Variants in CD226 observed in about 807,000 individuals in gnomAD.
CD226 encodes the protein CD226 antigen.
CD226 carries 24 observed loss-of-function variants against 34.9 expected under a neutral mutation model. The observed-to-expected ratio is 0.69, with a 90% confidence interval of 0.50 to 0.97. The LOEUF (loss-of-function observed/expected upper bound fraction) is 0.97. CD226 is among the 50% of genes least tolerant of loss of function. The pLI is 0.00. For missense variants in CD226, 397 were observed against 412.7 expected (o/e 0.96, Z 0.33); for synonymous variants, 148 against 147.4 (o/e 1.00, Z -0.03).
chr18:69,869,813 T>TC (rs911354186), intron 4 of CD226, among the ~76,000 whole-genome samples: 1 of 146,838 alleles, frequency 6.8e-6, no homozygotes, highest in Non-Finnish European at 1.5e-5. Flanking sequence ...TTTTTTTTTT[T>TC]TTTTTGAGAT....
intron 3 of CD226, among the ~76,000 whole-genome samples, chr18:69,883,893 C>G (rs371905801): frequency 5.9e-5 from 9 of 152,216 alleles, no homozygotes; most frequent in African/African-American, 2.2e-4. Flanking sequence ...CAGCTTTCAG[C>G]CTGTACCCAC....
chr18:69,874,603 G>A (rs1197681695), intron 3 of CD226, among the ~76,000 whole-genome samples: 4 of 152,140 alleles, frequency 2.6e-5, no homozygotes, highest in Non-Finnish European at 4.4e-5. Context: ...TCCTATTGCA[G>A]CCTGAAAACC....
At chr18:69,895,591 C>T (rs1379321871) in intron 3 of CD226, 110 bp downstream of exon 3, 1 of 787,904 alleles carries the variant, frequency 1.3e-6, no homozygotes, top group African/African-American at 1.7e-5. Context: ...TAAAAAAATG[C>T]TGAATATGCG....
upstream of CD226, among the ~76,000 whole-genome samples, chr18:69,958,150 C>A (rs1292213911): frequency 3.9e-5 from 6 of 152,196 alleles, no homozygotes; most frequent in Non-Finnish European, 8.8e-5. Flanking sequence ...TATGTCCTCA[C>A]TGAAATACTT....
In CD226 at chr18:69,860,297, C is replaced by T. The variant is rs1481271453; in HGVS notation, c.*4017G>A. ...CAAGACAAAGGAAAATATTTCTATA[C>T]CCTACAAGAACCAAAAATCCAAAAG... is the stretch of plus-strand genomic sequence containing the variant. On this transcript the variant is annotated 3_prime_UTR_variant, in exon 6 of 6. Coordinates refer to ENST00000582621, the MANE Select transcript of CD226 (RefSeq NM_001303618.2). 1 of 152,148 alleles carries T rather than the reference C, an allele frequency of 6.6e-6. No homozygotes were observed. Among genetic ancestry groups the T allele is most frequent in the Non-Finnish European group, 1.5e-5 (1 of 68,026 alleles). The allele number at this position is 152,148 out of a possible 1,614,324, so 9.4% of individuals were successfully genotyped here.
intron 2 of CD226, among the ~76,000 whole-genome samples, chr18:69,934,306 ACACACG>A (rs1253485833): frequency 1.1e-3 from 167 of 151,314 alleles, no homozygotes; most frequent in African/African-American, 3.9e-3. Context: ...ACACACACAC[ACACACG>A]CACGCACACC....
chr18:69,917,196 T>A (rs1201102233), intron 2 of CD226, among the ~76,000 whole-genome samples: 1 of 152,156 alleles, frequency 6.6e-6, no homozygotes, highest in Non-Finnish European at 1.5e-5. Context: ...ATTCTATGTA[T>A]CCCCAAAGCC....
At chr18:69,912,820 G>C (rs978512180) in intron 2 of CD226, among the ~76,000 whole-genome samples, 1 of 152,102 alleles carries the variant, frequency 6.6e-6, no homozygotes, top group Admixed American at 6.6e-5. Flanking sequence ...TGAAATTCAG[G>C]GTAGAGAAGT....
At chr18:69,950,978 TG>T (rs2055848647), upstream of CD226, among the ~76,000 whole-genome samples, 1 of 104,658 alleles carries the variant, frequency 9.6e-6, no homozygotes, top group African/African-American at 4.7e-5. Context: ...ATTTTGTGTG[TG>T]TGTGTGTGTG....
chr18:69,932,665 T>A (rs1273127761), intron 2 of CD226, among the ~76,000 whole-genome samples: 1 of 152,240 alleles, frequency 6.6e-6, no homozygotes, highest in Non-Finnish European at 1.5e-5. Context: ...GCCATCCAGC[T>A]AACAGCATGA....
intron 2 of CD226, among the ~76,000 whole-genome samples, chr18:69,904,580 T>C (rs1194829220): frequency 6.6e-6 from 1 of 152,230 alleles, no homozygotes; most frequent in Non-Finnish European, 1.5e-5. Context: ...CTCTCCACCA[T>C]GGTACAATGA....
intron 3 of CD226, among the ~76,000 whole-genome samples, chr18:69,893,173 T>A (rs1364208164): frequency 1.3e-5 from 2 of 152,218 alleles, no homozygotes; most frequent in East Asian, 1.9e-4. Context: ...TTTTTACTAA[T>A]GGATACAAGG....
In CD226 at chr18:69,880,730, C is replaced by T. The variant is rs553760511; in HGVS notation, c.728-7484G>A. The stretch of plus-strand genomic sequence containing the variant: ...GCAGTGGCACGATCTCGGCTCACTG[C>T]AACCTCCGCCTCCTGGGTTCAAGCG... On this transcript the variant is annotated intron_variant, in intron 3 of 5. Coordinates refer to ENST00000582621, the MANE Select transcript of CD226 (RefSeq NM_001303618.2). Among the ~76,000 whole-genome samples the T allele has an allele frequency of 7.3e-5, 11 of 150,106 alleles. No homozygotes were observed. In the South Asian group the frequency reaches 2.1e-3, roughly 29 times the overall value.
At position 69,864,015 on chromosome 18, in the gene CD226, T is replaced by C. The variant is rs1842282990; in HGVS notation, c.*299A>G. 1 of 225,932 alleles carries C rather than the reference T, an allele frequency of 4.4e-6. No individual in the cohort carries two copies. The allele number at this position is 225,932 out of a possible 1,614,324, so 14.0% of individuals were successfully genotyped here. ...GAAGCCAGTTTATGCCCATACTTAA[T>C]TCTAGACACAACATTTAAGCCCTGG... On this transcript the variant is annotated 3_prime_UTR_variant, in exon 6 of 6. Transcript: ENST00000582621.
chr18:69,928,760 C>A (rs776851324), intron 2 of CD226, among the ~76,000 whole-genome samples: 17 of 152,086 alleles, frequency 1.1e-4, no homozygotes, highest in Non-Finnish European at 2.1e-4. Flanking sequence ...GATTTTGGAG[C>A]ATTTCAGATT....
At chr18:69,868,709 G>A (rs1432559606) in intron 4 of CD226, among the ~76,000 whole-genome samples, 2 of 152,094 alleles carry the variant, frequency 1.3e-5, no homozygotes, top group African/African-American at 2.4e-5. Context: ...ATTAAATTGT[G>A]GTTCACAAGG....
chr18:69,879,665 A>G (rs1984095483), intron 3 of CD226, among the ~76,000 whole-genome samples: 1 of 152,248 alleles, frequency 6.6e-6, no homozygotes, highest in Non-Finnish European at 1.5e-5. Context: ...CTGAGGTGAC[A>G]TACATCCTCA....
chr18:69,930,859 T>C (rs1281569197), intron 2 of CD226, among the ~76,000 whole-genome samples: 2 of 152,142 alleles, frequency 1.3e-5, no homozygotes, highest in Non-Finnish European at 2.9e-5. Context: ...AGAACAAAGG[T>C]CCCTTCATGT....
intron 3 of CD226, among the ~76,000 whole-genome samples, chr18:69,889,845 A>G (rs925949198): frequency 8.5e-5 from 13 of 152,212 alleles, no homozygotes; most frequent in African/African-American, 3.1e-4. Flanking sequence ...CTGTGGCACT[A>G]TGATTTCCTA....
Sources: allele counts gnomAD v4.1 joint callset (sites outside exome capture counted in the v4.1 genomes callset), GRCh38; gene constraint gnomAD v4.1.1; transcripts MANE v1.5; gene names NCBI Gene and HGNC (gene_info 2026-07-23, HGNC 2026-07-21).